The following POFUT3 variants were observed in gnomAD, a reference collection of about 807,000 sequenced individuals.
POFUT3 encodes protein O-fucosyltransferase 3, also known as GDP-fucose protein O-fucosyltransferase 3.
chr8:33,328,369 CA>C, the POFUT3 span, among the ~76,000 whole-genome samples: 18 of 140,526 alleles, frequency 1.3e-4, no homozygotes, highest in African/African-American at 1.1e-4. Context: ...AAGCCAAAAA[CA>C]AAAACAAAAA....
the POFUT3 span, among the ~76,000 whole-genome samples, chr8:33,456,527 T>C: frequency 6.6e-6 from 1 of 151,662 alleles, no homozygotes; most frequent in Non-Finnish European, 1.5e-5. Flanking sequence ...CCTGCTAATT[T>C]TTTTGTATTT....
chr8:33,324,060 T>C, the POFUT3 span, among the ~76,000 whole-genome samples: 1 of 152,170 alleles, frequency 6.6e-6, no homozygotes, highest in Admixed American at 6.5e-5. Context: ...AAGTGGAGGC[T>C]GATGGAAGCT....
the POFUT3 span, chr8:33,461,803 C>A: frequency 6.0e-6 from 3 of 499,284 alleles, no homozygotes; most frequent in Non-Finnish European, 9.8e-6. Flanking sequence ...CATGAAAAAA[C>A]ATAGACATTT....
the POFUT3 span, among the ~76,000 whole-genome samples, chr8:33,454,088 A>G: frequency 3.3e-5 from 5 of 152,126 alleles, no homozygotes; most frequent in South Asian, 4.1e-4. Flanking sequence ...GATTGCACCA[A>G]TGGTATCCAG....
At chr8:33,465,448 A>AGC in the POFUT3 span, among the ~76,000 whole-genome samples, 1 of 139,360 alleles carries the variant, frequency 7.2e-6, no homozygotes, top group Non-Finnish European at 1.6e-5. Context: ...AGAGAGAGAG[A>AGC]GTTGTTGCTG....
chr8:33,456,516 C>T, the POFUT3 span, among the ~76,000 whole-genome samples: 4 of 152,038 alleles, frequency 2.6e-5, no homozygotes, highest in East Asian at 7.8e-4. Context: ...GGCCACCACG[C>T]CCTGCTAATT....
chr8:33,361,775 G>C, the POFUT3 span, among the ~76,000 whole-genome samples: 1 of 152,102 alleles, frequency 6.6e-6, no homozygotes, highest in African/African-American at 2.4e-5. Flanking sequence ...TAATTTCCTT[G>C]ATAGGTTTTT....
the POFUT3 span, among the ~76,000 whole-genome samples, chr8:33,357,178 C>T: frequency 4.6e-5 from 7 of 152,064 alleles, no homozygotes; most frequent in Non-Finnish European, 1.0e-4. Context: ...TCCATACGAA[C>T]TTTAAAGTAG....
chr8:33,455,785 G>A, the POFUT3 span: 13 of 455,700 alleles, frequency 2.9e-5, no homozygotes, highest in East Asian at 7.0e-5. Context: ...TTATGTGCTC[G>A]CTGCTCCTGG....
chr8:33,316,482 A>T, the POFUT3 span, among the ~76,000 whole-genome samples: 1 of 151,852 alleles, frequency 6.6e-6, no homozygotes, highest in Non-Finnish European at 1.5e-5. Context: ...GCACTTTGGG[A>T]GGCTGAGGCA....
At chr8:33,332,391 T>G in the POFUT3 span, among the ~76,000 whole-genome samples, 1 of 148,378 alleles carries the variant, frequency 6.7e-6, no homozygotes, top group South Asian at 2.1e-4. Flanking sequence ...CTTGGGAGGG[T>G]GAGGCAGGAG....
At chr8:33,406,788 C>T in the POFUT3 span, among the ~76,000 whole-genome samples, 1 of 152,048 alleles carries the variant, frequency 6.6e-6, no homozygotes, top group South Asian at 2.1e-4. Context: ...TGAGGGCAAA[C>T]TCCTGGGTTC....
chr8:33,449,271 C>T, the POFUT3 span, among the ~76,000 whole-genome samples: 8 of 140,050 alleles, frequency 5.7e-5, no homozygotes, highest in South Asian at 9.1e-4. Flanking sequence ...GTGTTATATC[C>T]GAGTTGATTT....
chr8:33,378,241 C>T, the POFUT3 span, among the ~76,000 whole-genome samples: 1 of 152,180 alleles, frequency 6.6e-6, no homozygotes, highest in African/African-American at 2.4e-5. Context: ...ACCTTTTCCT[C>T]ATACATGTAA....
chr8:33,377,333 T>C, the POFUT3 span, among the ~76,000 whole-genome samples: 2 of 151,226 alleles, frequency 1.3e-5, no homozygotes, highest in African/African-American at 4.9e-5. Context: ...AAAGATAAAA[T>C]AAGCTACCTT....
At chr8:33,437,384 C>T in the POFUT3 span, among the ~76,000 whole-genome samples, 1 of 141,362 alleles carries the variant, frequency 7.1e-6, no homozygotes, top group African/African-American at 2.6e-5. Context: ...GTTAAAATAA[C>T]AAATTAAAAA....
chr8:33,362,046 C>A, the POFUT3 span, among the ~76,000 whole-genome samples: 1 of 152,186 alleles, frequency 6.6e-6, no homozygotes, highest in Admixed American at 6.5e-5. Context: ...CAAAGGGAAG[C>A]CCATCAGACT....
chr8:33,368,403 A>C, the POFUT3 span, among the ~76,000 whole-genome samples: 1 of 152,212 alleles, frequency 6.6e-6, no homozygotes, highest in Admixed American at 6.5e-5. Flanking sequence ...TAATCCCAGG[A>C]TATAGATGAG....
chr8:33,383,092 T>C, the POFUT3 span, among the ~76,000 whole-genome samples: 1 of 152,096 alleles, frequency 6.6e-6, no homozygotes, highest in Non-Finnish European at 1.5e-5. Context: ...CCGAGTGCAG[T>C]ATGTGCTTCT....
Sources: gnomAD v4.1 joint callset for allele counts (sites outside exome capture counted in the v4.1 genomes callset) on GRCh38, gnomAD v4.1.1 for gene constraint, MANE v1.5 for transcripts, NCBI Gene and HGNC (gene_info 2026-07-23, HGNC 2026-07-21) for gene names.